Variants in RGS7 observed in about 807,000 individuals in gnomAD.
RGS7 encodes regulator of G protein signaling 7.
Under a neutral mutation model 81.1 loss-of-function variants are expected in RGS7, and 27 were observed. That is an observed-to-expected ratio of 0.33 (90% CI 0.25 to 0.46). RGS7 has a LOEUF of 0.46. Ranked by LOEUF, RGS7 falls within the 20% of genes least tolerant of loss-of-function variation. RGS7 has a pLI of 1.00. For missense variants in RGS7, 396 were observed against 607.4 expected (o/e 0.65, Z 3.66); for synonymous variants, 208 against 207.7 (o/e 1.00, Z -0.01).
At chr1:240,978,515 GT>G (rs1220050424) in intron 4 of RGS7, among the ~76,000 whole-genome samples, 1 of 152,138 alleles carries the variant, frequency 6.6e-6, no homozygotes, top group East Asian at 1.9e-4. Flanking sequence ...ATTAGCATCT[GT>G]AAAGGGCTGA....
chr1:240,980,765 A>G (rs73123715), intron 4 of RGS7, among the ~76,000 whole-genome samples: 8,882 of 152,296 alleles, frequency 0.058, 852 homozygotes, highest in African/African-American at 0.2. Context: ...AAACCAGTAC[A>G]GAGCCTTGGA....
chr1:240,805,241 A>T (rs1399294634), intron 15 of RGS7, among the ~76,000 whole-genome samples: 1 of 151,960 alleles, frequency 6.6e-6, no homozygotes, highest in Non-Finnish European at 1.5e-5. Context: ...AAAATTAGCC[A>T]GGCATGGTGG....
chr1:241,158,701 T>G (rs1445392708), intron 2 of RGS7, among the ~76,000 whole-genome samples: 3 of 152,218 alleles, frequency 2.0e-5, no homozygotes, highest in Non-Finnish European at 4.4e-5. Flanking sequence ...AGAAAAAGTT[T>G]CCCTGACCTT....
chr1:240,951,276 T>C lies in RGS7; in HGVS notation c.227-14570A>G, dbSNP rs374337458. Among the ~76,000 whole-genome samples, 6 of 152,118 alleles carry C rather than the reference T, an allele frequency of 3.9e-5. No homozygotes were observed. In the South Asian group the frequency reaches 1.2e-3, roughly 32 times the overall value. ...AGGCAAAAAAGTAAGAAAAACACAG[T>C]GTGAAGAGGCAAAACAACAATGAGA... On this transcript the variant is annotated intron_variant, in intron 4 of 18. Coordinates refer to ENST00000440928, the MANE Select transcript of RGS7 (RefSeq NM_001364886.1).
At chr1:241,280,325 A>G in intron 2 of RGS7, among the ~76,000 whole-genome samples, 1 of 152,144 alleles carries the variant, frequency 6.6e-6, no homozygotes, top group Non-Finnish European at 1.5e-5. Flanking sequence ...AATGGAACAC[A>G]TTCTTCCTCA....
chr1:241,214,207 G>GCAACAAATT (rs1174750998), intron 2 of RGS7, among the ~76,000 whole-genome samples: 2 of 151,938 alleles, frequency 1.3e-5, no homozygotes, highest in Non-Finnish European at 2.9e-5. Context: ...AGACCTGTCA[G>GCAACAAATT]CAACAAATTC....
At chr1:240,998,725 T>G (rs1687679322) in intron 3 of RGS7, 1 of 945,014 alleles carries the variant, frequency 1.1e-6, no homozygotes, top group Non-Finnish European at 1.7e-6. Flanking sequence ...TTATTCTCCG[T>G]GACGGTCACC....
chr1:240,813,836 A>C lies in RGS7; in HGVS notation c.846-108T>G, dbSNP rs1690316317. On this transcript the variant is annotated intron_variant, in intron 12 of 18. Coordinates refer to ENST00000440928, the MANE Select transcript of RGS7 (RefSeq NM_001364886.1). ...ATGTGGGACCAAGGAATCCTTGTTCACTTAAAGCATGAAATCCAATGGCAA... is the reference window on the plus strand; with the variant it reads ...ATGTGGGACCAAGGAATCCTTGTTCCCTTAAAGCATGAAATCCAATGGCAA... The C allele has an allele frequency of 1.3e-4, 97 of 738,244 alleles. 2 individuals carry two copies. The South Asian group carries it at 1.4e-3, about 11-fold the overall frequency. The allele number at this position is 738,244 out of a possible 1,614,324, so 45.7% of individuals were successfully genotyped here. A position where few individuals can be genotyped will look rare whatever the true frequency, so the allele number is the denominator to read the frequency against.
intron 10 of RGS7, 41 bp from the exon 11 acceptor site, chr1:240,816,456 C>T (rs916701017): frequency 1.1e-5 from 14 of 1,265,310 alleles, no homozygotes; most frequent in East Asian, 4.7e-5. Context: ...GACAAAATAC[C>T]GTTTACAGTC....
intron 2 of RGS7, among the ~76,000 whole-genome samples, chr1:241,268,251 T>C (rs1235472280): frequency 6.6e-6 from 1 of 152,200 alleles, no homozygotes; most frequent in Non-Finnish European, 1.5e-5. Flanking sequence ...CATAATTCAG[T>C]GCGTAGACTT....
chr1:241,121,420 G>T (rs1171549632), intron 2 of RGS7, among the ~76,000 whole-genome samples: 1 of 152,036 alleles, frequency 6.6e-6, no homozygotes, highest in Admixed American at 6.6e-5. Context: ...ACAACAAAAG[G>T]AAAAGAAACA....
chr1:241,306,078 A>G (rs1181782797), intron 2 of RGS7, among the ~76,000 whole-genome samples: 2 of 151,962 alleles, frequency 1.3e-5, no homozygotes, highest in Admixed American at 6.6e-5. Flanking sequence ...AATGGTTAAT[A>G]TATTTTCCAA....
chr1:241,043,845 T>C (rs2060763843), intron 3 of RGS7, among the ~76,000 whole-genome samples: 1 of 151,790 alleles, frequency 6.6e-6, no homozygotes, highest in Non-Finnish European at 1.5e-5. Flanking sequence ...GTTATCCACA[T>C]ATATTATGCC....
At chr1:241,285,172 G>A (rs146549096) in intron 2 of RGS7, among the ~76,000 whole-genome samples, 40 of 152,232 alleles carry the variant, frequency 2.6e-4, no homozygotes, top group Middle Eastern at 3.4e-3. Context: ...GCCCGGCCAA[G>A]TATCTGTCTT....
chr1:241,223,466 A>C (rs2148011057), intron 2 of RGS7, among the ~76,000 whole-genome samples: 1 of 152,300 alleles, frequency 6.6e-6, no homozygotes, highest in South Asian at 2.1e-4. Context: ...AGTTTAAAGA[A>C]GAAGATAGTA....
At chr1:240,952,822 A>G (rs1036928962) in intron 4 of RGS7, among the ~76,000 whole-genome samples, 5 of 42,974 alleles carry the variant, frequency 1.2e-4, no homozygotes, top group African/African-American at 3.9e-4. Context: ...ATAAAGACTC[A>G]TATATGTTAA....
intron 3 of RGS7, among the ~76,000 whole-genome samples, chr1:241,079,368 T>C (rs1422077641): frequency 6.6e-6 from 1 of 152,200 alleles, no homozygotes; most frequent in East Asian, 1.9e-4. Context: ...AGATTATTCT[T>C]GTACTCCAGG....
intron 9 of RGS7, among the ~76,000 whole-genome samples, chr1:240,840,405 C>T (rs1044810237): frequency 6.6e-6 from 1 of 152,166 alleles, no homozygotes; most frequent in Non-Finnish European, 1.5e-5. Flanking sequence ...TCCCGAGTAG[C>T]TGGGACTACA....
Position 240,827,584 on chromosome 1 carries a change from C to T in RGS7, c.610-412G>A, listed in dbSNP as rs768708359. Among the ~76,000 whole-genome samples the T allele has an allele frequency of 9.9e-5, 15 of 151,972 alleles. No individual in the cohort carries two copies. In the South Asian group the frequency reaches 1.7e-3, roughly 17 times the overall value. On this transcript the variant is annotated intron_variant, in intron 9 of 18. Transcript: ENST00000440928. ...CTCTTTATAAAAAGTGAGGCTGGGC[C>T]GGGCGCAGTGACTCATGCCTGTAAT...
Sources: allele counts gnomAD v4.1 joint callset (sites outside exome capture counted in the v4.1 genomes callset), GRCh38; gene constraint gnomAD v4.1.1; transcripts MANE v1.5; gene names NCBI Gene and HGNC (gene_info 2026-07-23, HGNC 2026-07-21).